Variants in CORO2B observed in about 807,000 individuals in gnomAD.
The protein encoded by CORO2B is coronin 2B.
A neutral mutation model predicts 58.8 loss-of-function variants in CORO2B; 26 were observed. The observed-to-expected ratio is 0.44, with a 90% CI of 0.32 to 0.61. The LOEUF (loss-of-function observed/expected upper bound fraction) is 0.61, where lower values mean the gene tolerates loss of function less well. CORO2B is among the 20% of genes least tolerant of loss of function. The pLI is 0.04. For synonymous variants in CORO2B, 242 were observed against 253.8 expected, an observed-to-expected ratio of 0.95 and a Z score of 0.44; for missense variants, 460 against 645.1, an observed-to-expected ratio of 0.71 and a Z score of 3.11.
the CORO2B span, among the ~76,000 whole-genome samples, chr15:68,568,763 T>C: frequency 1.3e-5 from 2 of 152,036 alleles, no homozygotes; most frequent in African/African-American, 4.8e-5. Context: ...ATACAGCAAG[T>C]TGGGAGCTGA....
chr15:68,609,365 T>C (rs577791062), intron 1 of CORO2B, among the ~76,000 whole-genome samples: 1 of 152,292 alleles, frequency 6.6e-6, no homozygotes, highest in African/African-American at 2.4e-5. Flanking sequence ...AGGCTGTTAG[T>C]GACCATCTTA....
the CORO2B span, among the ~76,000 whole-genome samples, chr15:68,552,268 C>T: frequency 6.6e-6 from 1 of 152,188 alleles, no homozygotes; most frequent in South Asian, 2.1e-4. Flanking sequence ...TTGTTTTGCT[C>T]TCCCAGCCTG....
chr15:68,721,985 T>TCAAA (rs1178483623), intron 11 of CORO2B, among the ~76,000 whole-genome samples: 1 of 152,152 alleles, frequency 6.6e-6, no homozygotes, highest in Non-Finnish European at 1.5e-5. Context: ...ACTCCTGGGC[T>TCAAA]CAAACAGTCC....
At chr15:68,618,722 T>C (rs1900436957) in intron 1 of CORO2B, among the ~76,000 whole-genome samples, 1 of 152,228 alleles carries the variant, frequency 6.6e-6, no homozygotes, top group African/African-American at 2.4e-5. Flanking sequence ...AGAGAAGTTA[T>C]GTAACTTGCC....
intron 1 of CORO2B, among the ~76,000 whole-genome samples, chr15:68,593,532 A>AC (rs1899754851): frequency 6.6e-6 from 1 of 152,156 alleles, no homozygotes; most frequent in African/African-American, 2.4e-5. Context: ...CGTTCTCTAG[A>AC]CACTTGTGAC....
chr15:68,685,629 G>T (rs909758890), intron 2 of CORO2B, among the ~76,000 whole-genome samples: 1 of 152,228 alleles, frequency 6.6e-6, no homozygotes, highest in African/African-American at 2.4e-5. Context: ...CCAGGCCCCA[G>T]CAGGCTATGG....
chr15:68,562,838 G>C, the CORO2B span, among the ~76,000 whole-genome samples: 1 of 151,878 alleles, frequency 6.6e-6, no homozygotes. Context: ...TTAGCCGGGC[G>C]TGGTGGCAGG....
chr15:68,723,747 G>A (rs964399035), intron 11 of CORO2B, among the ~76,000 whole-genome samples: 28 of 152,082 alleles, frequency 1.8e-4, no homozygotes, highest in Middle Eastern at 3.4e-3. Context: ...CACCGTGCCC[G>A]GCCGATACCT....
intron 11 of CORO2B, among the ~76,000 whole-genome samples, chr15:68,719,986 TC>T (rs1596039610): frequency 6.6e-6 from 1 of 152,332 alleles, no homozygotes; most frequent in Non-Finnish European, 1.5e-5. Context: ...GAAGGTGCTC[TC>T]TGTACCACTT....
At chr15:68,708,214 C>T (rs143797826) in intron 3 of CORO2B, among the ~76,000 whole-genome samples, 7 of 152,278 alleles carry the variant, frequency 4.6e-5, no homozygotes, top group Non-Finnish European at 8.8e-5. Flanking sequence ...GGGGGGAACA[C>T]ACATGAGGGA....
the CORO2B span, among the ~76,000 whole-genome samples, chr15:68,527,636 G>A: frequency 6.6e-6 from 1 of 152,010 alleles, no homozygotes; most frequent in African/African-American, 2.4e-5. Context: ...TTTCAAAATT[G>A]TTGCAGATTT....
intron 1 of CORO2B, among the ~76,000 whole-genome samples, chr15:68,595,522 C>T (rs1305140126): frequency 6.6e-6 from 1 of 152,252 alleles, no homozygotes; most frequent in Non-Finnish European, 1.5e-5. Flanking sequence ...CCCCTTCCCT[C>T]AGTTCAGCCC....
the CORO2B span, among the ~76,000 whole-genome samples, chr15:68,531,636 GGAAA>G: frequency 5.2e-3 from 727 of 141,004 alleles, 5 homozygotes; most frequent in African/African-American, 0.017. Context: ...AAAGAAAGAA[GGAAA>G]GAAAGAAAGA....
chr15:68,653,413 C>T (rs1229106191), intron 2 of CORO2B, among the ~76,000 whole-genome samples: 1 of 152,116 alleles, frequency 6.6e-6, no homozygotes, highest in Non-Finnish European at 1.5e-5. Flanking sequence ...GATCCTCAGC[C>T]AAGGGGCCAT....
chr15:68,715,172 C>T, intron 7 of CORO2B, 43 bp from the exon 8 acceptor site: 1 of 1,565,304 alleles, frequency 6.4e-7, no homozygotes, highest in South Asian at 1.1e-5. Flanking sequence ...GCTCTGCCCT[C>T]CCTACCTGCC....
At chr15:68,622,524 G>A (rs1900556316) in intron 1 of CORO2B, among the ~76,000 whole-genome samples, 1 of 152,162 alleles carries the variant, frequency 6.6e-6, no homozygotes, top group African/African-American at 2.4e-5. Flanking sequence ...GTGACCTCCA[G>A]TTTCTTTAAT....
chr15:68,691,823 C>A (rs573733322), intron 2 of CORO2B, among the ~76,000 whole-genome samples: 1 of 152,132 alleles, frequency 6.6e-6, no homozygotes, highest in South Asian at 2.1e-4. Flanking sequence ...GTGTATCGCC[C>A]GTGGGCTGCT....
intron 2 of CORO2B, among the ~76,000 whole-genome samples, chr15:68,681,836 AAC>A (rs1261404404): frequency 6.6e-6 from 1 of 152,186 alleles, no homozygotes; most frequent in Non-Finnish European, 1.5e-5. Context: ...GAGCAGAGAT[AAC>A]ACAGATGTAG....
rs145952774 is a variant in CORO2B, at chr15:68,659,229, G to T, written c.216+13869G>T. On this transcript the variant is annotated intron_variant, in intron 2 of 11. Transcript: ENST00000261861. ...ATTTATATGTACATACTTAAACCTG[G>T]AAGAGTGTGAGGGATAAGGGCGCTG... 3.2e-3 allele frequency among the ~76,000 whole-genome samples: 494 copies of T among 152,180 alleles called. 1 individual carries two copies. The highest frequency in any genetic ancestry group is 0.011 in the African/African-American group (470 of 41,500).
Sources: gnomAD v4.1 joint callset for allele counts (sites outside exome capture counted in the v4.1 genomes callset) on GRCh38, gnomAD v4.1.1 for gene constraint, MANE v1.5 for transcripts, NCBI Gene and HGNC (gene_info 2026-07-23, HGNC 2026-07-21) for gene names.